ESCO2: variants seen among roughly 807,000 people sequenced by gnomAD.
ESCO2 encodes the protein establishment of sister chromatid cohesion N-acetyltransferase 2.
A neutral mutation model predicts 61.7 loss-of-function variants in ESCO2; 51 were observed. The ratio of observed to expected loss-of-function variants is 0.83; its 90% CI spans 0.66 to 1.04. The LOEUF is 1.04. Among genes scored for constraint, ESCO2 ranks in the 50% least tolerant of loss-of-function variants. ESCO2 has a pLI of 0.00. For missense variants in ESCO2, 692 were observed against 686.2 expected (o/e 1.01, Z -0.09); for synonymous variants, 230 against 238.2 (o/e 0.97, Z 0.32).
At chr8:27,785,091 T>C (rs1453624107) in intron 5 of ESCO2, among the ~76,000 whole-genome samples, 1 of 152,258 alleles carries the variant, frequency 6.6e-6, no homozygotes, top group Non-Finnish European at 1.5e-5. Flanking sequence ...TTATAGAGGC[T>C]GAGAAGTTCG....
At position 27,787,976 on chromosome 8, in the gene ESCO2, A is replaced by T; in HGVS notation, c.1105A>T (p.Lys369Ter). Residue 369 changes from lysine to a stop codon, truncating the protein, a stop_gained, in exon 6 of 11, where the codon AAA (lysine) becomes TAA (stop). Coordinates refer to ENST00000305188, the MANE Select transcript of ESCO2 (RefSeq NM_001017420.3). LOFTEE classifies it high-confidence loss of function. ...QKNTNTRDTS[K>*]KTKDQLIIDA... ...AAATACTAATACCAGAGATACAAGT[A>T]AAAAAACAAAAGACCAGCTCATCAT... The T allele has an allele frequency of 6.2e-7, 1 of 1,612,512 alleles. No homozygotes were observed. Among genetic ancestry groups the T allele is most frequent in the Non-Finnish European group, 8.5e-7 (1 of 1,178,744 alleles).
upstream of ESCO2, chr8:27,772,398 G>A (rs76200394): frequency 4.8e-3 from 4,762 of 997,990 alleles, 160 homozygotes; most frequent in African/African-American, 0.067. Context: ...GCGGGAAGAG[G>A]CACTCGCATC....
chr8:27,818,589 AAC>A, the ESCO2 span, among the ~76,000 whole-genome samples: 9 of 152,200 alleles, frequency 5.9e-5, no homozygotes, highest in African/African-American at 1.9e-4. Context: ...TTCATTTCTC[AAC>A]AGTCTCTTCA....
downstream of ESCO2, among the ~76,000 whole-genome samples, chr8:27,808,786 T>C (rs542065449): frequency 1.3e-5 from 2 of 152,016 alleles, no homozygotes; most frequent in South Asian, 4.2e-4. Context: ...GAGCAAGTTC[T>C]AGAACAAGAA....
chr8:27,775,410 G>A (rs1804766764), intron 1 of ESCO2, 89 bp from the exon 2 acceptor site: 1 of 1,130,668 alleles, frequency 8.8e-7, no homozygotes, highest in African/African-American at 1.5e-5. Context: ...GTTTTAACTT[G>A]GTGTGAAATA....
chr8:27,796,177 T>G (rs963052972), intron 9 of ESCO2, among the ~76,000 whole-genome samples: 3 of 152,090 alleles, frequency 2.0e-5, no homozygotes, highest in Admixed American at 2.0e-4. Context: ...GTAGGTTGTA[T>G]GCTTCTAGGA....
At chr8:27,781,800 C>T (rs1441007062) in intron 4 of ESCO2, among the ~76,000 whole-genome samples, 5 of 152,084 alleles carry the variant, frequency 3.3e-5, no homozygotes, top group Non-Finnish European at 7.4e-5. Flanking sequence ...GATCCCCCCA[C>T]TTCAGCCTCC....
downstream of ESCO2, chr8:27,811,979 G>A (rs891184475): frequency 2.6e-5 from 4 of 152,120 alleles, no homozygotes; most frequent in Non-Finnish European, 5.9e-5. Flanking sequence ...CACTATAGCT[G>A]TTTTATAGAT....
In ESCO2 at chr8:27,802,607, CAAAAA is replaced by C. The variant is rs1188348304; in HGVS notation, c.1674-679_1674-675del. On this transcript the variant is annotated intron_variant, in intron 10 of 10. Coordinates refer to ENST00000305188, the MANE Select transcript of ESCO2 (RefSeq NM_001017420.3). ...TGGGCGACAAAGTGAGACTCTGTCT[CAAAAA>C]AAAAAAAAAAAAAAAAAAATATATA... is the stretch of plus-strand genomic sequence containing the variant. 6.5e-4 allele frequency among the ~76,000 whole-genome samples: 19 copies of C among 29,174 alleles called. 1 individual carries two copies. The highest frequency in any genetic ancestry group is 1.7e-3 in the Admixed American group (3 of 1,810). The allele number at this position is 29,174 out of a possible 152,430, so 19.1% of individuals were successfully genotyped here.
Position 27,803,562 on chromosome 8 carries a change from ACACACG to A in ESCO2, c.*130_*135del, listed in dbSNP as rs969123684. On this transcript the variant is annotated 3_prime_UTR_variant, in exon 11 of 11. Transcript: ENST00000305188. ...GACTCACACTCATACACACACACAC[ACACACG>A]CACACACACATATCACAGTTTTGTT... 1.5e-5 allele frequency: 22 copies of A among 1,457,490 alleles called. No individual in the cohort carries two copies. The highest frequency in any genetic ancestry group is 5.1e-5 in the Admixed American group (2 of 39,372). The allele number at this position is 1,457,490 out of a possible 1,614,324, so 90.3% of individuals were successfully genotyped here. A position where few individuals can be genotyped will look rare whatever the true frequency, so the allele number is the denominator to read the frequency against.
intron 3 of ESCO2, chr8:27,777,475 T>A: frequency 4.6e-6 from 1 of 215,434 alleles, no homozygotes; most frequent in Non-Finnish European, 9.2e-6. Flanking sequence ...ATTCTTGCAT[T>A]TTTTGTAGAG....
rs2128952339 is a variant in ESCO2 at position 27,780,355 on chromosome 8, CT to C, written c.955+91del. ...ATAATAATTCTTGTAATTTCTGGGT[CT>C]TTCTTTTTTCAGTAGCGTGCCTGTG... On this transcript the variant is annotated intron_variant, in intron 4 of 10. Coordinates refer to ENST00000305188, the MANE Select transcript of ESCO2 (RefSeq NM_001017420.3). The C allele has an allele frequency of 3.2e-6, 3 of 940,170 alleles. No individual in the cohort carries two copies. In the East Asian group the frequency reaches 7.6e-5, roughly 24 times the overall value. 58.2% of individuals were successfully genotyped at this position (940,170 alleles called of 1,614,324 possible). A position where few individuals can be genotyped will look rare whatever the true frequency, so the allele number is the denominator to read the frequency against.
At position 27,783,005 on chromosome 8, in the gene ESCO2, A is replaced by G. The variant is rs183160529; in HGVS notation, c.956-995A>G. 5.0e-3 allele frequency among the ~76,000 whole-genome samples: 754 copies of G among 152,076 alleles called. 13 individuals are homozygous for G. The highest frequency in any genetic ancestry group is 3.9e-3 in the Non-Finnish European group (265 of 67,982). ...TGTATTTTTTTTTCTCATTTGATGT[A>G]CATTGGAGTTCATTCTTTGTGATTT... On this transcript the variant is annotated intron_variant, in intron 4 of 10. Transcript: ENST00000305188.
At chr8:27,792,539 T>A in intron 8 of ESCO2, 129 bp from the exon 9 acceptor site, 1 of 1,006,552 alleles carries the variant, frequency 9.9e-7, no homozygotes, top group East Asian at 2.7e-5. Flanking sequence ...TTTGGAGGTG[T>A]ATAAATTTAA....
downstream of ESCO2, among the ~76,000 whole-genome samples, chr8:27,807,104 G>A (rs1447708877): frequency 6.6e-6 from 1 of 151,734 alleles, no homozygotes; most frequent in Non-Finnish European, 1.5e-5. Context: ...CAGCTTTTTT[G>A]TTCTTACAAT....
chr8:27,788,852 T>A lies in ESCO2; in HGVS notation c.1137T>A (p.Ala379=), dbSNP rs771782189. 1.9e-6 allele frequency: 3 copies of A among 1,614,134 alleles called. No individual in the cohort carries two copies. Among genetic ancestry groups the A allele is most frequent in the Admixed American group, 3.3e-5 (2 of 60,022 alleles). ...KKTKDQLIID[A]GQKHFGATVC... ...TTTTTACCCCCCAATTATAGGACGC[T>A]GGTCAGAAACATTTTGGGGCTACTG... The change falls in exon 7 of 11, where the codon GCT becomes GCA. Residue 379 remains alanine (A), a synonymous_variant. Coordinates refer to ENST00000305188, the MANE Select transcript of ESCO2 (RefSeq NM_001017420.3).
Position 27,803,509 on chromosome 8 carries a change from T to A in ESCO2, c.*71T>A. On this transcript the variant is annotated 3_prime_UTR_variant, in exon 11 of 11. Transcript: ENST00000305188. Reference sequence around the variant, plus strand: ...GAGCTCCTTATTATAAAATACAAACTATTTAATATCAAAATAAAAAATACC... The same window carrying A: ...GAGCTCCTTATTATAAAATACAAACAATTTAATATCAAAATAAAAAATACC... 2 of 1,566,798 alleles carry A rather than the reference T, an allele frequency of 1.3e-6. No homozygotes were observed. Among genetic ancestry groups the A allele is most frequent in the East Asian group, 4.8e-5 (2 of 41,580 alleles).
downstream of ESCO2, chr8:27,810,090 A>C (rs1205475884): frequency 1.2e-5 from 6 of 511,308 alleles, no homozygotes; most frequent in Non-Finnish European, 2.0e-5. Context: ...TTATGTAGCT[A>C]GTTTCTAAAA....
At chr8:27,803,223 A>G (rs1805489524) in intron 10 of ESCO2, 83 bp from the exon 11 acceptor site, 3 of 1,247,160 alleles carry the variant, frequency 2.4e-6, no homozygotes, top group Non-Finnish European at 3.5e-6. Flanking sequence ...GATTTAAGTC[A>G]AGAGTATTTA....
Sources: gnomAD v4.1 joint callset for allele counts (sites outside exome capture counted in the v4.1 genomes callset) on GRCh38, gnomAD v4.1.1 for gene constraint, MANE v1.5 for transcripts, NCBI Gene and HGNC (gene_info 2026-07-23, HGNC 2026-07-21) for gene names.